Variants in INO80D observed in about 807,000 individuals in gnomAD.
The protein encoded by INO80D is INO80 complex subunit D.
INO80D carries 21 observed loss-of-function variants against 87.6 expected under a neutral mutation model. The observed-to-expected ratio is 0.24, with a 90% CI of 0.17 to 0.35. INO80D has a LOEUF of 0.35. INO80D is among the 10% of genes least tolerant of loss of function. INO80D has a pLI of 1.00. For missense variants in INO80D, 982 were observed against 1,280.7 expected (o/e 0.77, Z 3.56); for synonymous variants, 440 against 491.0 (o/e 0.90, Z 1.37).
chr2:206,013,598 T>C (rs537619227), intron 8 of INO80D, among the ~76,000 whole-genome samples: 2 of 151,816 alleles, frequency 1.3e-5, no homozygotes, highest in African/African-American at 4.8e-5. Flanking sequence ...TCATTCATAA[T>C]AAGTTCCTAA....
chr2:206,046,114 C>CT (rs779857471), intron 5 of INO80D, among the ~76,000 whole-genome samples: 4 of 152,184 alleles, frequency 2.6e-5, no homozygotes, highest in Non-Finnish European at 5.9e-5. Context: ...CAAGTGGAAT[C>CT]TATTTTACCA....
At chr2:206,082,299 C>T (rs185456988) in intron 1 of INO80D, among the ~76,000 whole-genome samples, 25 of 152,338 alleles carry the variant, frequency 1.6e-4, no homozygotes, top group Non-Finnish European at 2.6e-4. Context: ...GGATTACAGG[C>T]GTGAGCCACC....
intron 1 of INO80D, among the ~76,000 whole-genome samples, chr2:206,069,593 G>T (rs1412391659): frequency 2.0e-5 from 3 of 152,032 alleles, no homozygotes. Flanking sequence ...CAACATGTGG[G>T]GTTGGTACCT....
At chr2:206,077,025 G>A (rs1388438851) in intron 1 of INO80D, among the ~76,000 whole-genome samples, 2 of 152,128 alleles carry the variant, frequency 1.3e-5, no homozygotes, top group South Asian at 2.1e-4. Flanking sequence ...TGTAATCCCA[G>A]CACTTTGGGA....
intron 7 of INO80D, among the ~76,000 whole-genome samples, chr2:206,018,410 C>T (rs1369623113): frequency 2.0e-5 from 3 of 152,032 alleles, no homozygotes; most frequent in Non-Finnish European, 2.9e-5. Context: ...CCTCCCAAAG[C>T]GTTGAGATTA....
chr2:206,052,708 C>T (rs1689407250), intron 4 of INO80D, among the ~76,000 whole-genome samples: 1 of 151,732 alleles, frequency 6.6e-6, no homozygotes, highest in Non-Finnish European at 1.5e-5. Flanking sequence ...GGGAGGATCA[C>T]TTGAGCCCAG....
At chr2:206,018,310 A>C (rs749797657) in intron 7 of INO80D, among the ~76,000 whole-genome samples, 3 of 152,106 alleles carry the variant, frequency 2.0e-5, no homozygotes, top group Non-Finnish European at 4.4e-5. Flanking sequence ...ACATCCAGAT[A>C]ATTTATTGTA....
intron 7 of INO80D, 29 bp downstream of exon 7, chr2:206,019,707 A>C (rs1468429454): frequency 5.8e-6 from 9 of 1,559,502 alleles, no homozygotes; most frequent in Non-Finnish European, 7.9e-6. Flanking sequence ...TACTTTTTCA[A>C]TGCACATTCC....
chr2:206,056,114 G>T, intron 4 of INO80D, 84 bp downstream of exon 4: 1 of 1,342,296 alleles, frequency 7.4e-7, no homozygotes, highest in Non-Finnish European at 1.0e-6. Flanking sequence ...TCACATATGG[G>T]GTAATTATGA....
intron 1 of INO80D, among the ~76,000 whole-genome samples, chr2:206,067,746 G>C (rs749933173): frequency 6.6e-6 from 1 of 151,996 alleles, no homozygotes; most frequent in Non-Finnish European, 1.5e-5. Flanking sequence ...AAACACACAC[G>C]TATCTTTCAC....
chr2:206,019,153 C>G (rs185744665), intron 7 of INO80D, among the ~76,000 whole-genome samples: 130 of 152,252 alleles, frequency 8.5e-4, no homozygotes, highest in Non-Finnish European at 1.6e-3. Flanking sequence ...TTACATGCTA[C>G]CTGATTTTAA....
chr2:206,072,291 T>C (rs1689992672), intron 1 of INO80D, among the ~76,000 whole-genome samples: 1 of 151,984 alleles, frequency 6.6e-6, no homozygotes, highest in African/African-American at 2.4e-5. Flanking sequence ...TTTGGTTTTT[T>C]TTTGAGACAG....
At chr2:206,033,397 T>G (rs765222377) in intron 5 of INO80D, among the ~76,000 whole-genome samples, 1 of 152,102 alleles carries the variant, frequency 6.6e-6, no homozygotes, top group Non-Finnish European at 1.5e-5. Flanking sequence ...TCTCTCAGAC[T>G]ACAGTGGAAT....
Position 206,085,310 on chromosome 2 carries a change from A to G in INO80D, c.-124+591T>C, listed in dbSNP as rs1250621916. 6.7e-6 allele frequency among the ~76,000 whole-genome samples: 1 copy of G among 150,176 alleles called. No homozygotes were observed. The highest frequency in any genetic ancestry group is 2.0e-4 in the East Asian group (1 of 4,926). On this transcript the variant is annotated intron_variant, in intron 1 of 10. Transcript: ENST00000403263. This position sits in a 1 kb window ranked among gnomAD's most constrained non-coding sequence, Gnocchi z 4.5. ...GCGGAGGAGGGGGATAAATAAATTC[A>G]ACTCTTACCGGAATCTGGGGGCCGT...
chr2:206,010,244 C>T (rs1033912751), intron 8 of INO80D, among the ~76,000 whole-genome samples: 1 of 150,744 alleles, frequency 6.6e-6, no homozygotes, highest in Non-Finnish European at 1.5e-5. Context: ...ATATTCATTA[C>T]TGAAGAACCG....
At chr2:206,010,486 T>C (rs771427395) in intron 8 of INO80D, among the ~76,000 whole-genome samples, 1 of 152,144 alleles carries the variant, frequency 6.6e-6, no homozygotes, top group East Asian at 1.9e-4. Flanking sequence ...GATAAGAAAG[T>C]ACCGCATCAC....
intron 1 of INO80D, among the ~76,000 whole-genome samples, chr2:206,082,009 T>G (rs1201949568): frequency 1.3e-5 from 2 of 152,132 alleles, no homozygotes; most frequent in Non-Finnish European, 2.9e-5. Flanking sequence ...AAATAAAATT[T>G]CACCAAAAAC....
chr2:206,071,484 T>G (rs896257084), intron 1 of INO80D, among the ~76,000 whole-genome samples: 2 of 141,642 alleles, frequency 1.4e-5, no homozygotes, highest in African/African-American at 5.3e-5. Context: ...CTGCTTGATT[T>G]ATTCTCCGAC....
chr2:206,009,766 C>A lies in INO80D; in HGVS notation c.1571G>T (p.Arg524Leu). The A allele has an allele frequency of 6.2e-7, 1 of 1,612,864 alleles. No homozygotes were observed. Among genetic ancestry groups the A allele is most frequent in the Non-Finnish European group, 8.5e-7 (1 of 1,179,420 alleles). The change falls in exon 9 of 11, where the codon CGT becomes CTT. Residue 524 changes from arginine (R) to leucine (L), a missense_variant. By Grantham distance (102) the Arg-to-Leu change is moderately radical (BLOSUM62 -2). Transcript: ENST00000403263. ...MDNFLRGDNS[R>L]KVQHQQQRKP... ...CCTCTGCTGCTGGTGCTGAACTTTA[C>A]GGGAGTTATCTCCTCTCAAGAAATT... is the stretch of plus-strand genomic sequence containing the variant.
Sources: gnomAD v4.1 joint callset for allele counts (sites outside exome capture counted in the v4.1 genomes callset) on GRCh38, gnomAD v4.1.1 for gene constraint, Gnocchi (gnomAD v3.1) non-coding constraint, MANE v1.5 for transcripts, NCBI Gene and HGNC (gene_info 2026-07-23, HGNC 2026-07-21) for gene names.